The following NALF1 variants were observed in gnomAD, a reference collection of about 807,000 sequenced individuals.
NALF1 encodes family with sequence similarity 155 member A.
A neutral mutation model predicts 48.4 loss-of-function variants in NALF1; 3 were observed. The ratio of observed to expected loss-of-function variants is 0.06; its 90% CI spans 0.03 to 0.16. The LOEUF is 0.16. Ranked by LOEUF, NALF1 falls within the 10% of genes least tolerant of loss-of-function variation. The probability of loss-of-function intolerance (pLI) is 1.00; values close to 1 mark genes in which losing one functional copy is unlikely to be tolerated. For synonymous variants in NALF1, 262 were observed against 245.7 expected, an observed-to-expected ratio of 1.07 and a Z score of -0.62; for missense variants, 526 against 571.5, an observed-to-expected ratio of 0.92 and a Z score of 0.81.
At chr13:107,635,276 G>T (rs376580650) in intron 1 of NALF1, among the ~76,000 whole-genome samples, 1 of 151,924 alleles carries the variant, frequency 6.6e-6, no homozygotes, top group Non-Finnish European at 1.5e-5. Flanking sequence ...CTCATGGCTC[G>T]GGAGGCCTCA....
At chr13:107,585,942 C>T (rs971082422) in intron 1 of NALF1, among the ~76,000 whole-genome samples, 1 of 152,078 alleles carries the variant, frequency 6.6e-6, no homozygotes, top group Non-Finnish European at 1.5e-5. Flanking sequence ...AGCACTGGAA[C>T]ATTTGCTTAT....
At chr13:107,449,292 A>C (rs1884702546) in intron 1 of NALF1, among the ~76,000 whole-genome samples, 2 of 152,090 alleles carry the variant, frequency 1.3e-5, no homozygotes, top group Admixed American at 1.3e-4. Context: ...AGTGTGCAAG[A>C]CCCAGGGGAT....
In NALF1 at chr13:107,227,983, C is replaced by T. The variant is rs566389708; in HGVS notation, c.916-17228G>A. The stretch of plus-strand genomic sequence containing the variant: ...GTAACATATAAGGAACCAATGAAAT[C>T]GCTATTTAATTAACTTATTCATTCC... On this transcript the variant is annotated intron_variant, in intron 1 of 2. Transcript: ENST00000375915. Among the ~76,000 whole-genome samples, 18 of 152,182 alleles carry T rather than the reference C, an allele frequency of 1.2e-4. No homozygotes were observed. The South Asian group carries it at 2.7e-3, about 23-fold the overall frequency.
chr13:107,538,619 T>C (rs1283695685), intron 1 of NALF1, among the ~76,000 whole-genome samples: 1 of 152,108 alleles, frequency 6.6e-6, no homozygotes, highest in Non-Finnish European at 1.5e-5. Flanking sequence ...TGATTCTTAG[T>C]TCTAATCATA....
At chr13:107,372,635 T>A (rs1033429165) in intron 1 of NALF1, among the ~76,000 whole-genome samples, 2 of 152,194 alleles carry the variant, frequency 1.3e-5, no homozygotes, top group Non-Finnish European at 2.9e-5. Context: ...ACAATAGCTC[T>A]TAGAGATGGA....
At chr13:107,563,751 C>A (rs1165699520) in intron 1 of NALF1, among the ~76,000 whole-genome samples, 1 of 152,162 alleles carries the variant, frequency 6.6e-6, no homozygotes, top group Non-Finnish European at 1.5e-5. Flanking sequence ...GGCAGCAGCA[C>A]CAGCTGTTAT....
chr13:107,415,712 A>G (rs1181414197), intron 1 of NALF1, among the ~76,000 whole-genome samples: 2 of 152,222 alleles, frequency 1.3e-5, no homozygotes, highest in Non-Finnish European at 2.9e-5. Context: ...CTGTAAATAA[A>G]TAAGAAATTG....
intron 1 of NALF1, among the ~76,000 whole-genome samples, chr13:107,597,473 T>A (rs1056751319): frequency 1.3e-5 from 2 of 152,146 alleles, no homozygotes; most frequent in Non-Finnish European, 2.9e-5. Flanking sequence ...ACAGTGACAA[T>A]GCATGAATTT....
At chr13:107,526,898 T>C (rs1357273710) in intron 1 of NALF1, among the ~76,000 whole-genome samples, 1 of 152,170 alleles carries the variant, frequency 6.6e-6, no homozygotes, top group Admixed American at 6.6e-5. Flanking sequence ...TGGAAAGCGT[T>C]TGTCTACTAA....
rs1165005560 is a variant in NALF1, at chr13:107,166,675, AT to A, written c.*3821del. 1 of 152,012 alleles carries A rather than the reference AT, an allele frequency of 6.6e-6. No individual in the cohort carries two copies. Among genetic ancestry groups the A allele is most frequent in the Non-Finnish European group, 1.5e-5 (1 of 67,986 alleles). The allele number at this position is 152,012 out of a possible 1,614,324, so 9.4% of individuals were successfully genotyped here. On this transcript the variant is annotated 3_prime_UTR_variant, in exon 3 of 3. Transcript: ENST00000375915. ...GGTCTGGCATCCAATTGCTTATTTC[AT>A]TTATGTTTTTTTCCCCCGGAAAAAA...
At chr13:107,814,895 T>G (rs1160220872) in intron 1 of NALF1, among the ~76,000 whole-genome samples, 1 of 151,984 alleles carries the variant, frequency 6.6e-6, no homozygotes, top group South Asian at 2.1e-4. Context: ...CAAGTGCACA[T>G]GGAAATCTCC....
At chr13:107,395,425 A>G (rs761730851) in intron 1 of NALF1, among the ~76,000 whole-genome samples, 5 of 152,116 alleles carry the variant, frequency 3.3e-5, no homozygotes, top group Non-Finnish European at 5.9e-5. Flanking sequence ...GCCTCCTAGT[A>G]CCTCTTCAGA....
rs905937278 is a variant in NALF1 at position 107,279,292 on chromosome 13, G to C, written c.916-68537C>G. 5.9e-5 allele frequency among the ~76,000 whole-genome samples: 9 copies of C among 151,658 alleles called. No homozygotes were observed. The South Asian group carries it at 1.5e-3, about 25-fold the overall frequency. On this transcript the variant is annotated intron_variant, in intron 1 of 2. Coordinates refer to ENST00000375915, the MANE Select transcript of NALF1 (RefSeq NM_001080396.3). ...TTCTTTGAGATGGAGTTTCATTCTT[G>C]TTGCCCGGGCTGGAGGGCAACAGTG...
At chr13:107,841,449 A>G (rs1260713088) in intron 1 of NALF1, among the ~76,000 whole-genome samples, 4 of 152,152 alleles carry the variant, frequency 2.6e-5, no homozygotes, top group African/African-American at 7.2e-5. Context: ...TTAAGTAGAA[A>G]AAATTCATAT....
intron 1 of NALF1, among the ~76,000 whole-genome samples, chr13:107,655,484 A>G (rs1295441133): frequency 6.6e-6 from 1 of 152,090 alleles, no homozygotes; most frequent in African/African-American, 2.4e-5. Flanking sequence ...GGAAAACTAC[A>G]AAACACTGCT....
chr13:107,705,466 C>T (rs1009314224), intron 1 of NALF1, among the ~76,000 whole-genome samples: 1 of 151,632 alleles, frequency 6.6e-6, no homozygotes, highest in Middle Eastern at 3.2e-3. Flanking sequence ...TCGTCTAATG[C>T]AATGAGCTGC....
chr13:107,724,914 C>T (rs1247586825), intron 1 of NALF1, among the ~76,000 whole-genome samples: 1 of 152,066 alleles, frequency 6.6e-6, no homozygotes, highest in African/African-American at 2.4e-5. Context: ...CCATTTCTAG[C>T]TCTACAAACA....
At chr13:107,620,522 C>T (rs902109360) in intron 1 of NALF1, among the ~76,000 whole-genome samples, 1 of 152,150 alleles carries the variant, frequency 6.6e-6, no homozygotes, top group African/African-American at 2.4e-5. Flanking sequence ...GATGTGTTCC[C>T]TATGCCTGGA....
intron 1 of NALF1, among the ~76,000 whole-genome samples, chr13:107,575,899 G>A (rs938229740): frequency 6.6e-6 from 1 of 151,968 alleles, no homozygotes; most frequent in Admixed American, 6.6e-5. Flanking sequence ...TTGGGAAGAG[G>A]TGTGTGTGTC....
Sources: allele counts gnomAD v4.1 joint callset (sites outside exome capture counted in the v4.1 genomes callset), GRCh38; gene constraint gnomAD v4.1.1; transcripts MANE v1.5; gene names NCBI Gene and HGNC (gene_info 2026-07-23, HGNC 2026-07-21).